Variants in SAMMSON observed in about 807,000 individuals in gnomAD.
The protein encoded by SAMMSON is long intergenic non-protein coding RNA 1212.
At chr3:70,419,452 C>T (rs531963773) in intron 2 of SAMMSON, among the ~76,000 whole-genome samples, 2 of 152,212 alleles carry the variant, frequency 1.3e-5, no homozygotes, top group East Asian at 3.9e-4. Flanking sequence ...TTATTGTTCC[C>T]AAATGGTTCC....
chr3:70,165,187 G>A lies in SAMMSON; in HGVS notation n.508-83920G>A, dbSNP rs1285541115. Among the ~76,000 whole-genome samples, 7 of 152,096 alleles carry A rather than the reference G, an allele frequency of 4.6e-5. No individual in the cohort carries two copies. In the South Asian group the frequency reaches 1.5e-3, roughly 32 times the overall value. On this transcript the variant is annotated intron_variant and non_coding_transcript_variant, in intron 4 of 9. Transcript: ENST00000642114. Reference sequence around the variant, plus strand: ...AAATCTCTTAATTAGGATGTAATTTGTGTCAATTATATAATCATTTTCTAG... The same window carrying A: ...AAATCTCTTAATTAGGATGTAATTTATGTCAATTATATAATCATTTTCTAG...
chr3:70,198,228 A>G (rs1701200522), intron 4 of SAMMSON, among the ~76,000 whole-genome samples: 1 of 152,182 alleles, frequency 6.6e-6, no homozygotes, highest in African/African-American at 2.4e-5. Context: ...TTTCTCCTCT[A>G]GATGGGCTTA....
chr3:70,126,444 C>A lies in SAMMSON; in HGVS notation n.507+54879C>A. On this transcript the variant is annotated intron_variant and non_coding_transcript_variant, in intron 4 of 9. Coordinates refer to ENST00000642114, the Ensembl canonical transcript of SAMMSON. Reference sequence around the variant, plus strand: ...TTCAGCTGCCCCTTATCTGACAGGTCATGCACCAACCGTGCCTTGAAGTAC... The same window carrying A: ...TTCAGCTGCCCCTTATCTGACAGGTAATGCACCAACCGTGCCTTGAAGTAC... 4.4e-6 allele frequency: 3 copies of A among 689,284 alleles called. No individual in the cohort carries two copies. The South Asian group carries it at 4.7e-5, about 11-fold the overall frequency. The allele number at this position is 689,284 out of a possible 1,614,324, so 42.7% of individuals were successfully genotyped here.
intron 6 of SAMMSON, chr3:70,272,198 G>A (rs1701982141): frequency 6.6e-6 from 1 of 152,062 alleles, no homozygotes; most frequent in South Asian, 2.1e-4. Flanking sequence ...TGCATAGTGG[G>A]GGTTTGACAA....
chr3:70,074,469 G>A (rs573442195), intron 4 of SAMMSON, among the ~76,000 whole-genome samples: 8 of 152,194 alleles, frequency 5.3e-5, no homozygotes, highest in African/African-American at 1.9e-4. Flanking sequence ...CAGTTGTACT[G>A]TATTAGAGAC....
intron 4 of SAMMSON, among the ~76,000 whole-genome samples, chr3:70,242,082 G>A (rs943741418): frequency 6.6e-6 from 1 of 152,182 alleles, no homozygotes; most frequent in Non-Finnish European, 1.5e-5. Context: ...AAGGGTAAGG[G>A]CCAATGATGT....
intron 4 of SAMMSON, among the ~76,000 whole-genome samples, chr3:70,110,174 C>T (rs763010719): frequency 5.3e-5 from 8 of 152,288 alleles, no homozygotes; most frequent in Middle Eastern, 3.4e-3. Flanking sequence ...ATCATATGTT[C>T]GTGTGTCTTT....
chr3:70,434,470 T>A (rs944068443), intron 2 of SAMMSON, among the ~76,000 whole-genome samples: 3 of 152,252 alleles, frequency 2.0e-5, no homozygotes, highest in African/African-American at 7.2e-5. Flanking sequence ...ATTAATCTTA[T>A]TCCCTGCAAA....
chr3:70,200,452 C>T (rs1415580175), intron 4 of SAMMSON, among the ~76,000 whole-genome samples: 2 of 152,176 alleles, frequency 1.3e-5, no homozygotes, highest in Non-Finnish European at 2.9e-5. Context: ...TTGGAATGCA[C>T]ATGGCTCAGG....
intron 3 of SAMMSON, among the ~76,000 whole-genome samples, chr3:70,071,132 T>C (rs962007752): frequency 6.6e-5 from 10 of 152,034 alleles, no homozygotes; most frequent in Admixed American, 3.3e-4. Context: ...GGATAGCTCA[T>C]AGTGAAGGGG....
At chr3:70,009,749 C>G (rs1252147358) in intron 1 of SAMMSON, among the ~76,000 whole-genome samples, 1 of 150,672 alleles carries the variant, frequency 6.6e-6, no homozygotes, top group Non-Finnish European at 1.5e-5. Context: ...AATTTTAGAT[C>G]TTTCCTGCTT....
At chr3:70,115,145 G>A (rs73838058) in intron 4 of SAMMSON, among the ~76,000 whole-genome samples, 4,209 of 145,876 alleles carry the variant, frequency 0.029, 186 homozygotes, top group African/African-American at 0.099. Flanking sequence ...TGAAAATTTT[G>A]ATGTTTATTT....
chr3:70,302,828 T>C (rs1559558688), intron 7 of SAMMSON: 1 of 152,314 alleles, frequency 6.6e-6, no homozygotes, highest in Admixed American at 6.5e-5. Context: ...CATGGCATCT[T>C]GTAGGCCTTT....
At chr3:70,313,068 A>G (rs1702468976) in intron 7 of SAMMSON, among the ~76,000 whole-genome samples, 1 of 152,224 alleles carries the variant, frequency 6.6e-6, no homozygotes, top group African/African-American at 2.4e-5. Flanking sequence ...TATAAACAAC[A>G]AGAAAACATT....
chr3:70,396,665 T>C (rs1701096122), intron 2 of SAMMSON, among the ~76,000 whole-genome samples: 1 of 152,232 alleles, frequency 6.6e-6, no homozygotes, highest in South Asian at 2.1e-4. Context: ...GAGGGAAATC[T>C]GTCTTGGAAA....
chr3:70,290,275 A>C (rs1380268999), intron 6 of SAMMSON, among the ~76,000 whole-genome samples: 1 of 152,116 alleles, frequency 6.6e-6, no homozygotes, highest in Non-Finnish European at 1.5e-5. Context: ...TTTTCCTTCT[A>C]ACAGACGGGA....
At chr3:70,094,695 A>G (rs928308051) in intron 4 of SAMMSON, 1 of 152,214 alleles carries the variant, frequency 6.6e-6, no homozygotes. Context: ...CTGGTTGGCT[A>G]AATGTTACGA....
At chr3:70,347,485 G>T (rs1281231917) in intron 7 of SAMMSON, among the ~76,000 whole-genome samples, 2 of 152,148 alleles carry the variant, frequency 1.3e-5, no homozygotes, top group African/African-American at 4.8e-5. Flanking sequence ...AGATGGAGAA[G>T]GGCCCGAGGA....
At chr3:70,418,060 G>A (rs546268713) in intron 2 of SAMMSON, among the ~76,000 whole-genome samples, 1 of 152,260 alleles carries the variant, frequency 6.6e-6, no homozygotes, top group South Asian at 2.1e-4. Context: ...GCACCAGAGT[G>A]GCCACATTAT....
Sources: gnomAD v4.1 joint callset for allele counts (sites outside exome capture counted in the v4.1 genomes callset) on GRCh38, gnomAD v4.1.1 for gene constraint, MANE v1.5 for transcripts, NCBI Gene and HGNC (gene_info 2026-07-23, HGNC 2026-07-21) for gene names.